The following BMPER variants were observed in gnomAD, a reference collection of about 807,000 sequenced individuals.
BMPER encodes the protein BMP binding endothelial regulator.
BMPER carries 45 observed loss-of-function variants against 87.3 expected under a neutral mutation model. The observed-to-expected ratio is 0.52, with a 90% CI of 0.41 to 0.66. The LOEUF (loss-of-function observed/expected upper bound fraction) is 0.66. Ranked by LOEUF, BMPER falls within the 30% of genes least tolerant of loss-of-function variation. BMPER has a pLI of 0.00. For missense variants in BMPER, 784 were observed against 867.5 expected (o/e 0.90, Z 1.21); for synonymous variants, 326 against 316.2 (o/e 1.03, Z -0.33).
intron 2 of BMPER, among the ~76,000 whole-genome samples, chr7:33,932,140 G>A (rs188982476): frequency 6.6e-6 from 1 of 152,282 alleles, no homozygotes. Flanking sequence ...CGCCAGGCTG[G>A]GGCATCTATC....
At chr7:33,928,293 G>A (rs1228635577) in intron 2 of BMPER, among the ~76,000 whole-genome samples, 1 of 152,084 alleles carries the variant, frequency 6.6e-6, no homozygotes, top group Non-Finnish European at 1.5e-5. Flanking sequence ...GAGCACGGTG[G>A]CAGAGCTGCA....
chr7:33,934,544 G>A (rs1318805255), intron 2 of BMPER, among the ~76,000 whole-genome samples: 5 of 150,822 alleles, frequency 3.3e-5, no homozygotes, highest in African/African-American at 9.7e-5. Context: ...AAATCCAGAT[G>A]TGAATCTACA....
intron 6 of BMPER, among the ~76,000 whole-genome samples, chr7:34,025,585 G>C (rs1787337348): frequency 6.6e-6 from 1 of 152,086 alleles, no homozygotes; most frequent in South Asian, 2.1e-4. Flanking sequence ...GGCAAAGAGA[G>C]CAGTGGTTGT....
At chr7:33,967,155 A>G (rs911076499) in intron 4 of BMPER, among the ~76,000 whole-genome samples, 2 of 152,232 alleles carry the variant, frequency 1.3e-5, no homozygotes, top group East Asian at 3.8e-4. Flanking sequence ...AAGATAAACT[A>G]AAGCAGAAAT....
At chr7:34,107,065 T>C (rs1039565635) in intron 13 of BMPER, among the ~76,000 whole-genome samples, 1 of 152,222 alleles carries the variant, frequency 6.6e-6, no homozygotes, top group Non-Finnish European at 1.5e-5. Context: ...GTGTGGTCTT[T>C]AATCAGAATT....
At chr7:34,048,889 A>T (rs917166739) in intron 7 of BMPER, among the ~76,000 whole-genome samples, 2 of 152,218 alleles carry the variant, frequency 1.3e-5, no homozygotes, top group Non-Finnish European at 1.5e-5. Flanking sequence ...ATGTTGGACC[A>T]TGATGACTTT....
At chr7:34,078,332 C>G (rs1171298102) in intron 11 of BMPER, among the ~76,000 whole-genome samples, 1 of 152,118 alleles carries the variant, frequency 6.6e-6, no homozygotes, top group Admixed American at 6.5e-5. Context: ...TTTGGCAGTT[C>G]TATTGATTTA....
chr7:34,079,780 C>T (rs1180546659), intron 12 of BMPER, among the ~76,000 whole-genome samples: 1 of 152,188 alleles, frequency 6.6e-6, no homozygotes, highest in Non-Finnish European at 1.5e-5. Context: ...CTGTTCTATG[C>T]CACCGAGGCC....
At chr7:33,924,206 G>A (rs1784302826) in intron 2 of BMPER, among the ~76,000 whole-genome samples, 1 of 152,144 alleles carries the variant, frequency 6.6e-6, no homozygotes, top group Non-Finnish European at 1.5e-5. Flanking sequence ...TACATCCCAT[G>A]TTCTATTCAT....
At chr7:34,045,603 A>G (rs1031867102) in intron 6 of BMPER, among the ~76,000 whole-genome samples, 2 of 152,226 alleles carry the variant, frequency 1.3e-5, no homozygotes, top group African/African-American at 4.8e-5. Flanking sequence ...TTCGTCTCAT[A>G]TCAATCTTTA....
At chr7:33,982,911 A>G (rs1029063265) in intron 6 of BMPER, among the ~76,000 whole-genome samples, 4 of 152,108 alleles carry the variant, frequency 2.6e-5, no homozygotes, top group African/African-American at 9.7e-5. Flanking sequence ...GTTTTAGAGG[A>G]TCTGGCTTAA....
At chr7:34,071,717 G>T (rs1233372084) in intron 11 of BMPER, among the ~76,000 whole-genome samples, 3 of 152,168 alleles carry the variant, frequency 2.0e-5, no homozygotes. Flanking sequence ...TCTGGAAGGT[G>T]CTCTGGAGGA....
chr7:33,905,282 C>G, upstream of BMPER: 13 of 417,778 alleles, frequency 3.1e-5, no homozygotes, highest in South Asian at 2.6e-4. Context: ...CTCCGGCTGC[C>G]GCAACACCCC....
At chr7:34,125,135 C>T (rs1452789860) in intron 13 of BMPER, among the ~76,000 whole-genome samples, 1 of 152,118 alleles carries the variant, frequency 6.6e-6, no homozygotes, top group Admixed American at 6.6e-5. Flanking sequence ...TCTATGCTCT[C>T]CTTGTTACAT....
intron 13 of BMPER, among the ~76,000 whole-genome samples, chr7:34,142,165 G>A (rs745985834): frequency 4.9e-4 from 74 of 152,192 alleles, no homozygotes; most frequent in Middle Eastern, 3.2e-3. Context: ...GAGGCCTCTT[G>A]CATAAATGTT....
intron 2 of BMPER, among the ~76,000 whole-genome samples, chr7:33,928,819 G>T (rs1250106631): frequency 1.3e-5 from 2 of 151,964 alleles, no homozygotes; most frequent in Non-Finnish European, 2.9e-5. Flanking sequence ...TATTTTCAAG[G>T]TATAGGATCA....
At chr7:33,957,030 C>G (rs1785163217) in intron 3 of BMPER, among the ~76,000 whole-genome samples, 1 of 152,122 alleles carries the variant, frequency 6.6e-6, no homozygotes, top group South Asian at 2.1e-4. Flanking sequence ...GTCAGTATGA[C>G]AGTTTCTTAA....
At chr7:34,083,178 A>G (rs1281376184) in intron 12 of BMPER, among the ~76,000 whole-genome samples, 1 of 152,180 alleles carries the variant, frequency 6.6e-6, no homozygotes, top group Non-Finnish European at 1.5e-5. Context: ...TATGTGCTAT[A>G]TAACGTGTTG....
At chr7:34,096,983 C>T (rs1388232654) in intron 13 of BMPER, among the ~76,000 whole-genome samples, 1 of 152,180 alleles carries the variant, frequency 6.6e-6, no homozygotes, top group Non-Finnish European at 1.5e-5. Context: ...GAAAGGAGTC[C>T]TCTAGCTCAC....
Sources: gnomAD v4.1 joint callset for allele counts (sites outside exome capture counted in the v4.1 genomes callset) on GRCh38, gnomAD v4.1.1 for gene constraint, MANE v1.5 for transcripts, NCBI Gene and HGNC (gene_info 2026-07-23, HGNC 2026-07-21) for gene names.